The following LIPC variants were observed in gnomAD, a reference collection of about 807,000 sequenced individuals.
The protein encoded by LIPC is lipase C, hepatic type.
Under a neutral mutation model 50.7 loss-of-function variants are expected in LIPC, and 44 were observed. That is an observed-to-expected ratio of 0.87 (90% CI 0.68 to 1.11). The LOEUF is 1.11. Among genes scored for constraint, LIPC ranks in the 50% most tolerant of loss-of-function variants. LIPC has a pLI of 0.00. For synonymous variants in LIPC, 271 were observed against 256.4 expected (o/e 1.06, Z -0.54); for missense variants, 697 against 648.2 (o/e 1.08, Z -0.82).
At chr15:58,440,651 G>A (rs550602820) in intron 1 of LIPC, among the ~76,000 whole-genome samples, 3 of 152,150 alleles carry the variant, frequency 2.0e-5, no homozygotes, top group Non-Finnish European at 2.9e-5. Context: ...TGGGAGAGGC[G>A]CATAATTTCA....
At chr15:58,446,347 T>C (rs1893694074) in intron 1 of LIPC, among the ~76,000 whole-genome samples, 1 of 152,140 alleles carries the variant, frequency 6.6e-6, no homozygotes, top group African/African-American at 2.4e-5. Flanking sequence ...AATGAATGCC[T>C]CTTACTAAGG....
At chr15:58,463,174 C>T (rs1424018747) in intron 1 of LIPC, among the ~76,000 whole-genome samples, 1 of 152,180 alleles carries the variant, frequency 6.6e-6, no homozygotes, top group African/African-American at 2.4e-5. Flanking sequence ...ATGGTGTTTG[C>T]CTTCCGGCCT....
At chr15:58,483,868 T>C (rs1240168168) in intron 1 of LIPC, among the ~76,000 whole-genome samples, 6 of 152,220 alleles carry the variant, frequency 3.9e-5, no homozygotes, top group Admixed American at 6.5e-5. Flanking sequence ...TAATCAAATA[T>C]CTTAATTCCC....
chr15:58,471,328 T>TTG (rs1555399295), intron 1 of LIPC, among the ~76,000 whole-genome samples: 11 of 114,182 alleles, frequency 9.6e-5, no homozygotes, highest in South Asian at 3.3e-4. Context: ...TTAGTAGAGA[T>TTG]GGGGGGGGGT....
chr15:58,560,762 C>A, intron 6 of LIPC, 102 bp from the exon 7 acceptor site: 2 of 681,568 alleles, frequency 2.9e-6, no homozygotes, highest in Middle Eastern at 3.7e-4. Context: ...TCTATCCAAA[C>A]TCTTCCCTCT....
At chr15:58,562,653 T>C (rs1007959005) in intron 7 of LIPC, among the ~76,000 whole-genome samples, 9 of 152,170 alleles carry the variant, frequency 5.9e-5, no homozygotes, top group South Asian at 2.1e-4. Flanking sequence ...GATTCAGTCA[T>C]TCAGCAAGCA....
intron 1 of LIPC, among the ~76,000 whole-genome samples, chr15:58,505,147 C>T (rs555142856): frequency 1.3e-5 from 2 of 152,318 alleles, no homozygotes; most frequent in South Asian, 2.1e-4. Flanking sequence ...CAACAGTCCA[C>T]GAATAGGCCA....
In LIPC at chr15:58,439,731, C is replaced by T. The variant is rs1041183252; in HGVS notation, c.88+7611C>T. ...TGCTGGGATTACAGGCGTGAGCCAC[C>T]GCCCCCGGCCAGGGCTTATTAAAAT... On this transcript the variant is annotated intron_variant, in intron 1 of 8. Transcript: ENST00000299022. 9.2e-5 allele frequency among the ~76,000 whole-genome samples: 14 copies of T among 152,318 alleles called. No individual in the cohort carries two copies. The East Asian group carries it at 1.9e-3, about 21-fold the overall frequency.
chr15:58,498,610 A>G (rs1331379242), intron 1 of LIPC: 1 of 152,180 alleles, frequency 6.6e-6, no homozygotes, highest in Non-Finnish European at 1.5e-5. Flanking sequence ...TAGGGGGGCA[A>G]TCATGATAAA....
intron 1 of LIPC, among the ~76,000 whole-genome samples, chr15:58,462,387 A>G (rs1401175331): frequency 2.6e-5 from 4 of 152,194 alleles, no homozygotes; most frequent in Non-Finnish European, 5.9e-5. Context: ...CACCAACCCT[A>G]TTCTGTCCCC....
intron 1 of LIPC, among the ~76,000 whole-genome samples, chr15:58,449,174 C>T (rs1171479469): frequency 1.3e-5 from 2 of 152,192 alleles, no homozygotes; most frequent in East Asian, 1.9e-4. Context: ...CGCCAGTCTG[C>T]GAGCACCCCA....
At chr15:58,453,788 G>C (rs900493555) in intron 1 of LIPC, among the ~76,000 whole-genome samples, 3 of 151,650 alleles carry the variant, frequency 2.0e-5, no homozygotes, top group African/African-American at 7.3e-5. Flanking sequence ...TACTAGGGAG[G>C]CTGAGGTGGG....
At chr15:58,548,277 T>C in intron 5 of LIPC, 53 bp from the exon 6 acceptor site, 3 of 1,612,976 alleles carry the variant, frequency 1.9e-6, no homozygotes, top group East Asian at 2.2e-5. Flanking sequence ...TCCTCTGAGT[T>C]GAGGCTGCTT....
intron 6 of LIPC, among the ~76,000 whole-genome samples, chr15:58,555,036 A>G (rs1217260428): frequency 6.6e-6 from 1 of 152,176 alleles, no homozygotes; most frequent in Non-Finnish European, 1.5e-5. Context: ...ATCCTCCTGC[A>G]GAGATGCTAC....
chr15:58,536,745 C>G (rs1893136668), intron 1 of LIPC, among the ~76,000 whole-genome samples: 2 of 152,310 alleles, frequency 1.3e-5, no homozygotes, highest in South Asian at 4.1e-4. Context: ...AAAAGTTATT[C>G]AAATTCTTGC....
chr15:58,508,358 A>T (rs754204904), intron 1 of LIPC, among the ~76,000 whole-genome samples: 4 of 152,222 alleles, frequency 2.6e-5, no homozygotes, highest in Admixed American at 1.3e-4. Flanking sequence ...CCCATAGTCA[A>T]ATTAAGCCGA....
At chr15:58,521,292 G>C (rs1892643707) in intron 1 of LIPC, 1 of 152,096 alleles carries the variant, frequency 6.6e-6, no homozygotes, top group Non-Finnish European at 1.5e-5. Context: ...CCTTGTGCTG[G>C]GACCACACAG....
intron 1 of LIPC, among the ~76,000 whole-genome samples, chr15:58,509,413 A>G (rs1388764931): frequency 1.3e-5 from 2 of 152,192 alleles, no homozygotes; most frequent in East Asian, 3.8e-4. Flanking sequence ...TGGAGCAACT[A>G]CCTACTAGCC....
At chr15:58,460,841 C>T (rs1392319806) in intron 1 of LIPC, among the ~76,000 whole-genome samples, 7 of 152,202 alleles carry the variant, frequency 4.6e-5, no homozygotes, top group Non-Finnish European at 7.3e-5. Flanking sequence ...TGGCAGGTGG[C>T]GTAGTCCCAT....
Sources: gnomAD v4.1 joint callset for allele counts (sites outside exome capture counted in the v4.1 genomes callset) on GRCh38, gnomAD v4.1.1 for gene constraint, MANE v1.5 for transcripts, NCBI Gene and HGNC (gene_info 2026-07-23, HGNC 2026-07-21) for gene names.